Variants in TESPA1 observed in about 807,000 individuals in gnomAD.
The protein encoded by TESPA1 is thymocyte expressed, positive selection associated 1, also known as protein TESPA1.
Under a neutral mutation model 57.9 loss-of-function variants are expected in TESPA1, and 33 were observed. The ratio of observed to expected loss-of-function variants is 0.57; its 90% confidence interval spans 0.43 to 0.76. The LOEUF (loss-of-function observed/expected upper bound fraction) is 0.76. TESPA1 is among the 30% of genes least tolerant of loss of function. The pLI, the probability that TESPA1 is intolerant of heterozygous loss-of-function variation, is 0.00. For synonymous variants in TESPA1, 227 were observed against 228.9 expected, an observed-to-expected ratio of 0.99 and a Z score of 0.07; for missense variants, 618 against 632.9, an observed-to-expected ratio of 0.98 and a Z score of 0.25.
chr12:54,950,458 G>A (rs1950311386), intron 10 of TESPA1, 68 bp from the exon 11 acceptor site: 2 of 392,028 alleles, frequency 5.1e-6, no homozygotes, highest in Admixed American at 3.0e-5. Flanking sequence ...GAGGTTGGTA[G>A]GAACTTTCAT....
chr12:54,974,661 G>A (rs1952052152), intron 1 of TESPA1, 54 bp from the exon 2 acceptor site: 1 of 1,305,388 alleles, frequency 7.7e-7, no homozygotes, highest in African/African-American at 1.5e-5. Context: ...AAACCATCAT[G>A]ATGCTCAGGG....
At chr12:54,973,450 C>T (rs749545168) in intron 3 of TESPA1, 27 bp downstream of exon 3, 12 of 1,613,804 alleles carry the variant, frequency 7.4e-6, no homozygotes, top group Non-Finnish European at 1.0e-5. Context: ...CAGCCACATA[C>T]CACCCCATTG....
intron 3 of TESPA1, among the ~76,000 whole-genome samples, chr12:54,970,385 T>C (rs753603599): frequency 1.8e-4 from 28 of 152,242 alleles, no homozygotes; most frequent in Non-Finnish European, 3.7e-4. Context: ...TTCTGGTTTG[T>C]CCAAAGCAAA....
chr12:54,954,389 C>T (rs1235477613), intron 10 of TESPA1, among the ~76,000 whole-genome samples: 1 of 152,226 alleles, frequency 6.6e-6, no homozygotes, highest in Non-Finnish European at 1.5e-5. Flanking sequence ...TTCTCTTCCT[C>T]AGTCTTCCCT....
chr12:54,979,139 T>C (rs1258669866), intron 1 of TESPA1, among the ~76,000 whole-genome samples: 1 of 152,204 alleles, frequency 6.6e-6, no homozygotes, highest in Non-Finnish European at 1.5e-5. Flanking sequence ...CAGTCCTTTG[T>C]TGACATAACA....
chr12:54,971,047 G>C (rs1373442685), intron 3 of TESPA1, among the ~76,000 whole-genome samples: 1 of 152,238 alleles, frequency 6.6e-6, no homozygotes, highest in East Asian at 1.9e-4. Flanking sequence ...TCCTGTGGCA[G>C]AATAGTCGGC....
chr12:54,964,764 C>T (rs1222664736), intron 7 of TESPA1, among the ~76,000 whole-genome samples: 1 of 152,190 alleles, frequency 6.6e-6, no homozygotes, highest in Non-Finnish European at 1.5e-5. Context: ...CTACTCTTGT[C>T]CTTGCCAGCT....
At chr12:54,974,324 C>A in intron 2 of TESPA1, 76 bp downstream of exon 2, 1 of 1,358,626 alleles carries the variant, frequency 7.4e-7, no homozygotes, top group Non-Finnish European at 9.8e-7. Context: ...AACCTGTTCA[C>A]ACTCTGCAGA....
intron 3 of TESPA1, among the ~76,000 whole-genome samples, chr12:54,972,344 TCAGA>T (rs1340553286): frequency 6.6e-6 from 1 of 152,222 alleles, no homozygotes; most frequent in East Asian, 1.9e-4. Flanking sequence ...ATTCAGATAA[TCAGA>T]CAGTTAGCAA....
At chr12:54,978,357 C>T (rs1372892641) in intron 1 of TESPA1, among the ~76,000 whole-genome samples, 1 of 152,094 alleles carries the variant, frequency 6.6e-6, no homozygotes, top group African/African-American at 2.4e-5. Context: ...GTTTAATCCT[C>T]TAGGAAAGGG....
intron 3 of TESPA1, chr12:54,968,161 A>C: frequency 1.5e-6 from 1 of 651,272 alleles, no homozygotes. Flanking sequence ...AAGTCAACTT[A>C]ACAATGATTC....
At chr12:54,966,311 T>G in intron 6 of TESPA1, 77 bp downstream of exon 6, 2 of 1,606,120 alleles carry the variant, frequency 1.2e-6, no homozygotes, top group Non-Finnish European at 8.5e-7. Context: ...AGCTCTTTAT[T>G]TTAATCTCTT....
chr12:54,951,029 C>T (rs1481695600), intron 10 of TESPA1, among the ~76,000 whole-genome samples: 1 of 152,012 alleles, frequency 6.6e-6, no homozygotes, highest in Non-Finnish European at 1.5e-5. Context: ...TGCCTTGAAT[C>T]TCATCTCATC....
intron 10 of TESPA1, among the ~76,000 whole-genome samples, chr12:54,957,466 C>T (rs1478871328): frequency 6.6e-6 from 1 of 152,206 alleles, no homozygotes; most frequent in African/African-American, 2.4e-5. Context: ...AGTGAACTTC[C>T]CCCTTCCATA....
At chr12:54,968,100 C>G in intron 3 of TESPA1, 1 of 1,276,404 alleles carries the variant, frequency 7.8e-7, no homozygotes, top group Non-Finnish European at 1.1e-6. Context: ...CTGGAATGCA[C>G]TATATTTTAG....
intron 4 of TESPA1, 135 bp downstream of exon 4, chr12:54,967,708 A>C (rs947751991): frequency 2.8e-6 from 3 of 1,054,942 alleles, no homozygotes; most frequent in Non-Finnish European, 4.1e-6. Flanking sequence ...AGTGTTTTGC[A>C]GCCAGTTTAA....
intron 10 of TESPA1, among the ~76,000 whole-genome samples, chr12:54,959,597 C>T (rs1950954162): frequency 6.6e-6 from 1 of 152,314 alleles, no homozygotes; most frequent in Admixed American, 6.5e-5. Flanking sequence ...TCCGGGTTCT[C>T]TACCGTGGTT....
At chr12:54,969,833 G>T (rs1043232973) in intron 3 of TESPA1, among the ~76,000 whole-genome samples, 1 of 152,182 alleles carries the variant, frequency 6.6e-6, no homozygotes, top group East Asian at 1.9e-4. Context: ...CGAAACGGAC[G>T]GAAAGGAGGC....
intron 10 of TESPA1, among the ~76,000 whole-genome samples, chr12:54,951,424 C>T (rs1425615887): frequency 6.6e-6 from 1 of 152,188 alleles, no homozygotes; most frequent in East Asian, 1.9e-4. Context: ...GTCCTTACAG[C>T]AATGTGAGAA....
Sources: allele counts gnomAD v4.1 joint callset (sites outside exome capture counted in the v4.1 genomes callset), GRCh38; gene constraint gnomAD v4.1.1; transcripts MANE v1.5; gene names NCBI Gene and HGNC (gene_info 2026-07-23, HGNC 2026-07-21).